TBC1D30: variants seen among roughly 807,000 people sequenced by gnomAD.
TBC1D30 encodes TBC1 domain family, member 30.
A neutral mutation model predicts 63.2 loss-of-function variants in TBC1D30; 31 were observed. The ratio of observed to expected loss-of-function variants is 0.49; its 90% CI spans 0.37 to 0.66. The LOEUF is 0.66. TBC1D30 is among the 30% of genes least tolerant of loss of function. TBC1D30 has a pLI of 0.00. For missense variants in TBC1D30, 810 were observed against 953.6 expected (o/e 0.85, Z 1.98); for synonymous variants, 307 against 361.5 (o/e 0.85, Z 1.71).
chr12:64,791,348 T>C (rs1039936092), intron 2 of TBC1D30, among the ~76,000 whole-genome samples: 1 of 152,208 alleles, frequency 6.6e-6, no homozygotes, highest in Non-Finnish European at 1.5e-5. Context: ...GTGGTGATGG[T>C]TGTACAATTT....
intron 8 of TBC1D30, among the ~76,000 whole-genome samples, chr12:64,857,086 C>G (rs1419331374): frequency 1.3e-5 from 2 of 152,118 alleles, no homozygotes; most frequent in Non-Finnish European, 2.9e-5. Flanking sequence ...TTGCTCTACT[C>G]TACTGTGGCT....
chr12:64,842,724 T>G (rs1214705751), intron 7 of TBC1D30, among the ~76,000 whole-genome samples: 1 of 152,218 alleles, frequency 6.6e-6, no homozygotes, highest in East Asian at 1.9e-4. Flanking sequence ...CAGAGTCCCT[T>G]AAAGGAGATA....
intron 8 of TBC1D30, among the ~76,000 whole-genome samples, chr12:64,852,108 G>A (rs943976375): frequency 6.6e-6 from 1 of 152,154 alleles, no homozygotes; most frequent in African/African-American, 2.4e-5. Flanking sequence ...ATCTTGAAGA[G>A]TGTTTTCCAA....
intron 8 of TBC1D30, among the ~76,000 whole-genome samples, chr12:64,857,298 G>A (rs987101377): frequency 6.6e-6 from 1 of 152,152 alleles, no homozygotes; most frequent in Non-Finnish European, 1.5e-5. Flanking sequence ...TCTTTAGTCG[G>A]CAGGTGATGA....
chr12:64,843,484 A>G lies in TBC1D30; in HGVS notation c.1037A>G (p.Gln346Arg). The change falls in exon 8 of 12, where the codon CAG (glutamine) becomes CGG (arginine). Residue 346 changes from glutamine to arginine, a missense_variant and splice_region_variant. Coordinates refer to ENST00000539867, the MANE Select transcript of TBC1D30 (RefSeq NM_015279.2). The part of the protein sequence containing the change: ...NDLLQSHELM[Q>R]TVYSMAPFPF... ...CTTCTGCAAAGCCATGAACTCATGCAGGTGAGTCGGCAACATGGAGCAGCT... is the reference window on the plus strand; with the variant it reads ...CTTCTGCAAAGCCATGAACTCATGCGGGTGAGTCGGCAACATGGAGCAGCT... 10 of 1,535,730 alleles carry G rather than the reference A, an allele frequency of 6.5e-6. No homozygotes were observed. The highest frequency in any genetic ancestry group is 8.7e-6 in the Non-Finnish European group (10 of 1,146,558).
chr12:64,814,152 T>C (rs1232493337), intron 2 of TBC1D30, among the ~76,000 whole-genome samples: 1 of 152,130 alleles, frequency 6.6e-6, no homozygotes, highest in African/African-American at 2.4e-5. Context: ...GTTCAAGTGA[T>C]TGTCGTGCCT....
chr12:64,878,260 TG>T lies in TBC1D30; in HGVS notation c.*2473del. The T allele has an allele frequency of 3.0e-6, 1 of 332,944 alleles. No homozygotes were observed. Among genetic ancestry groups the T allele is most frequent in the Non-Finnish European group, 6.0e-6 (1 of 167,500 alleles). The allele number at this position is 332,944 out of a possible 1,614,324, so 20.6% of individuals were successfully genotyped here. ...TGTGAATTGGTCAATTTATGAGCCT[TG>T]CCTACTTTAGAAAATAAAGAAACCT... On this transcript the variant is annotated 3_prime_UTR_variant, in exon 12 of 12. Transcript: ENST00000539867.
At chr12:64,860,449 C>T (rs1305334764) in intron 8 of TBC1D30, among the ~76,000 whole-genome samples, 7 of 152,028 alleles carry the variant, frequency 4.6e-5, no homozygotes, top group South Asian at 4.2e-4. Flanking sequence ...CTACTGCACC[C>T]GCTGCTTTTA....
At position 64,833,274 on chromosome 12, in the gene TBC1D30, T is replaced by C. The variant is rs73325466; in HGVS notation, c.594+970T>C. ...AATCTTTGATGCCTACGACCTTTAT[T>C]AGTTAAAACAAATTTTAAAAACATG... On this transcript the variant is annotated intron_variant, in intron 5 of 11. Transcript: ENST00000539867. Among the ~76,000 whole-genome samples the C allele has an allele frequency of 3.5e-4, 53 of 152,326 alleles. 2 individuals are homozygous for C. Among genetic ancestry groups the C allele is most frequent in the African/African-American group, 1.2e-3 (50 of 41,566 alleles).
chr12:64,791,722 G>A lies in TBC1D30; in HGVS notation c.643+5677G>A, dbSNP rs532051612. 2.9e-3 allele frequency among the ~76,000 whole-genome samples: 440 copies of A among 150,378 alleles called. 1 individual carries two copies. The highest frequency in any genetic ancestry group is 0.01 in the African/African-American group (421 of 40,836). ...TTTGTGTGTGTGTATATATATATAT[G>A]TTTTTTTTAATATTTTTGTAGAGAT... On this transcript the variant is annotated intron_variant, in intron 2 of 12. Coordinates refer to the TBC1D30 transcript ENST00000542120.
chr12:64,880,860 A>G lies in TBC1D30; in HGVS notation c.*5072A>G, dbSNP rs1879420726. On this transcript the variant is annotated 3_prime_UTR_variant, in exon 12 of 12. Transcript: ENST00000539867. ...TTTACATCCTTGCTATAACAATTCT[A>G]GTTTTCCTTTAGGCAATGCTGATCA... is the stretch of plus-strand genomic sequence containing the variant. 6.6e-6 allele frequency: 1 copy of G among 152,160 alleles called. No homozygotes were observed. Among genetic ancestry groups the G allele is most frequent in the Non-Finnish European group, 1.5e-5 (1 of 68,024 alleles). 9.4% of individuals were successfully genotyped at this position (152,160 alleles called of 1,614,324 possible).
Position 64,878,354 on chromosome 12 carries a change from A to G in TBC1D30, c.*2566A>G. 2.3e-6 allele frequency: 1 copy of G among 444,072 alleles called. No individual in the cohort carries two copies. The highest frequency in any genetic ancestry group is 4.5e-6 in the Non-Finnish European group (1 of 220,462). The allele number at this position is 444,072 out of a possible 1,614,324, so 27.5% of individuals were successfully genotyped here. On this transcript the variant is annotated 3_prime_UTR_variant, in exon 12 of 12. Coordinates refer to ENST00000539867, the MANE Select transcript of TBC1D30 (RefSeq NM_015279.2). ...ACTTGCTATCTTCCCTATGTATTGG[A>G]CACTGTATGCAAACACCAGAAGTAC...
At chr12:64,781,702 TTTG>T (rs1464896074) in intron 1 of TBC1D30, among the ~76,000 whole-genome samples, 1 of 151,194 alleles carries the variant, frequency 6.6e-6, no homozygotes, top group Non-Finnish European at 1.5e-5. Context: ...TTTTTTTTTT[TTTG>T]TTTTTTTGTT....
At chr12:64,835,632 A>C (rs1171745862) in intron 5 of TBC1D30, among the ~76,000 whole-genome samples, 1 of 152,182 alleles carries the variant, frequency 6.6e-6, no homozygotes, top group African/African-American at 2.4e-5. Context: ...TCTTCAGAGA[A>C]CTGCAAACAA....
At chr12:64,813,937 TCA>T (rs904761592) in intron 2 of TBC1D30, among the ~76,000 whole-genome samples, 9 of 152,172 alleles carry the variant, frequency 5.9e-5, no homozygotes, top group Non-Finnish European at 1.2e-4. Flanking sequence ...AGTTCCTGTG[TCA>T]CAGTTTATGA....
intron 8 of TBC1D30, among the ~76,000 whole-genome samples, chr12:64,845,392 T>A (rs945798659): frequency 1.3e-5 from 2 of 152,068 alleles, no homozygotes; most frequent in Non-Finnish European, 2.9e-5. Context: ...CAGGCTGGAG[T>A]GCAGTGGCAC....
chr12:64,801,469 G>T (rs1872580765), intron 2 of TBC1D30, among the ~76,000 whole-genome samples: 1 of 152,128 alleles, frequency 6.6e-6, no homozygotes, highest in African/African-American at 2.4e-5. Context: ...CTTGGGAAGG[G>T]GCACCAACAG....
At chr12:64,827,736 A>C in intron 1 of TBC1D30, 99 bp from the exon 2 acceptor site, 1 of 874,230 alleles carries the variant, frequency 1.1e-6, no homozygotes, top group South Asian at 1.7e-5. Flanking sequence ...CTTTAAAAAA[A>C]ATTGTGATGA....
At chr12:64,860,066 G>A (rs1877652479) in intron 8 of TBC1D30, among the ~76,000 whole-genome samples, 1 of 150,384 alleles carries the variant, frequency 6.6e-6, no homozygotes, top group East Asian at 2.0e-4. Context: ...CACATAGACT[G>A]GAGTGCAGTG....
Sources: gnomAD v4.1 joint callset for allele counts (sites outside exome capture counted in the v4.1 genomes callset) on GRCh38, gnomAD v4.1.1 for gene constraint, MANE v1.5 for transcripts, NCBI Gene and HGNC (gene_info 2026-07-23, HGNC 2026-07-21) for gene names.